UBE2E2: variants seen among roughly 807,000 people sequenced by gnomAD.
UBE2E2 encodes ubiquitin conjugating enzyme E2 E2, also known as ubiquitin-conjugating enzyme E2 E2.
In UBE2E2, 6 loss-of-function variants were observed where a neutral mutation model predicts 24.7. The observed-to-expected ratio is 0.24, with a 90% CI of 0.13 to 0.48. The LOEUF is 0.48. Ranked by LOEUF, UBE2E2 falls within the 20% of genes least tolerant of loss-of-function variation. The pLI, the probability that UBE2E2 is intolerant of heterozygous loss-of-function variation, is 0.99. For missense variants in UBE2E2, 169 were observed against 245.0 expected (o/e 0.69, Z 2.07); for synonymous variants, 104 against 83.6 (o/e 1.24, Z -1.33).
chr3:23,354,255 TAA>T (rs1383276174), intron 3 of UBE2E2, among the ~76,000 whole-genome samples: 1 of 152,068 alleles, frequency 6.6e-6, no homozygotes, highest in Non-Finnish European at 1.5e-5. Flanking sequence ...ATTAAAGACT[TAA>T]ACATTAGACC....
chr3:23,484,459 A>T (rs1180882048), intron 3 of UBE2E2, among the ~76,000 whole-genome samples: 3 of 151,814 alleles, frequency 2.0e-5, no homozygotes, highest in Non-Finnish European at 4.4e-5. Context: ...TTTTTTTTTT[A>T]CAGGGTTCCC....
chr3:23,422,005 A>G (rs911286890), intron 3 of UBE2E2, among the ~76,000 whole-genome samples: 1 of 152,248 alleles, frequency 6.6e-6, no homozygotes, highest in Non-Finnish European at 1.5e-5. Flanking sequence ...TTGGCCAGCA[A>G]CCAGGAAATT....
At chr3:23,350,368 G>A (rs1417507009) in intron 3 of UBE2E2, among the ~76,000 whole-genome samples, 1 of 152,194 alleles carries the variant, frequency 6.6e-6, no homozygotes, top group Non-Finnish European at 1.5e-5. Context: ...CACCAGCAAT[G>A]GAACGAAGCT....
At chr3:23,224,743 A>G (rs1191129599) in intron 3 of UBE2E2, among the ~76,000 whole-genome samples, 5 of 152,116 alleles carry the variant, frequency 3.3e-5, no homozygotes, top group South Asian at 2.1e-4. Flanking sequence ...CTTCTCATCA[A>G]TTGATGGATA....
At chr3:23,426,699 A>G (rs375435690) in intron 3 of UBE2E2, among the ~76,000 whole-genome samples, 1 of 152,298 alleles carries the variant, frequency 6.6e-6, no homozygotes, top group African/African-American at 2.4e-5. Flanking sequence ...AATTGAGAGA[A>G]TTTGTTGCCA....
chr3:23,295,261 C>T (rs1391182678), intron 3 of UBE2E2, among the ~76,000 whole-genome samples: 2 of 152,236 alleles, frequency 1.3e-5, no homozygotes, highest in East Asian at 1.9e-4. Flanking sequence ...CACTTTTCTC[C>T]ACTGCTCTCT....
chr3:23,307,786 T>G (rs1385678961), intron 3 of UBE2E2, among the ~76,000 whole-genome samples: 1 of 152,192 alleles, frequency 6.6e-6, no homozygotes, highest in African/African-American at 2.4e-5. Flanking sequence ...TATGAATTAT[T>G]TAAGAATAAG....
chr3:23,426,417 C>CAA (rs34164749), intron 3 of UBE2E2, among the ~76,000 whole-genome samples: 173 of 120,078 alleles, frequency 1.4e-3, no homozygotes, highest in African/African-American at 4.2e-3. Flanking sequence ...AGGATAAATG[C>CAA]AAAAAAAAAA....
At chr3:23,399,444 A>G (rs1431410751) in intron 3 of UBE2E2, among the ~76,000 whole-genome samples, 2 of 152,136 alleles carry the variant, frequency 1.3e-5, no homozygotes, top group Non-Finnish European at 2.9e-5. Flanking sequence ...TACGTCCTGT[A>G]TGGGCTGGAG....
rs557661684 is a variant in UBE2E2 at position 23,364,398 on chromosome 3, G to T, written c.228-135210G>T. On this transcript the variant is annotated intron_variant, in intron 3 of 5. Transcript: ENST00000396703. ...CACTAGCGAGACTAATAGAGAGAGA[G>T]ACAGAAGATCCAAATAAACAGAATC... Among the ~76,000 whole-genome samples the T allele has an allele frequency of 6.5e-4, 99 of 152,062 alleles. 1 individual carries two copies. The highest frequency in any genetic ancestry group is 2.3e-3 in the African/African-American group (97 of 41,494).
chr3:23,293,799 C>A (rs894275018), intron 3 of UBE2E2, among the ~76,000 whole-genome samples: 5 of 151,946 alleles, frequency 3.3e-5, no homozygotes, highest in Non-Finnish European at 7.4e-5. Context: ...TTTTCTTATT[C>A]TCTGGCATAA....
chr3:23,330,520 A>G lies in UBE2E2; in HGVS notation c.227+113208A>G, dbSNP rs370819551. Among the ~76,000 whole-genome samples the G allele has an allele frequency of 6.8e-4, 103 of 152,350 alleles. 1 individual carries two copies. Among genetic ancestry groups the G allele is most frequent in the Non-Finnish European group, 1.1e-3 (77 of 68,032 alleles). Reference sequence around the variant, plus strand: ...TAGAATCCTGTGGTCCACATTATATATTGAATAGTACACGAATTACAAGGA... The same window carrying G: ...TAGAATCCTGTGGTCCACATTATATGTTGAATAGTACACGAATTACAAGGA... On this transcript the variant is annotated intron_variant, in intron 3 of 5. Coordinates refer to ENST00000396703, the MANE Select transcript of UBE2E2 (RefSeq NM_152653.4).
intron 3 of UBE2E2, among the ~76,000 whole-genome samples, chr3:23,489,532 C>T (rs188839623): frequency 1.2e-4 from 18 of 152,180 alleles, no homozygotes; most frequent in African/African-American, 2.4e-4. Context: ...AATTAGAGCC[C>T]GTAAAGTGAA....
intron 3 of UBE2E2, among the ~76,000 whole-genome samples, chr3:23,292,379 A>G (rs1042089760): frequency 1.3e-5 from 2 of 152,178 alleles, no homozygotes; most frequent in Admixed American, 1.3e-4. Context: ...CTTTCTGCAG[A>G]CATACATGCC....
At chr3:23,563,651 CTTTG>C (rs1246256693) in intron 5 of UBE2E2, among the ~76,000 whole-genome samples, 3 of 152,052 alleles carry the variant, frequency 2.0e-5, no homozygotes, top group Admixed American at 6.6e-5. Context: ...CTTTTAACCT[CTTTG>C]TTTATCTGTA....
At chr3:23,281,057 C>G (rs1698480422) in intron 3 of UBE2E2, among the ~76,000 whole-genome samples, 1 of 152,084 alleles carries the variant, frequency 6.6e-6, no homozygotes, top group African/African-American at 2.4e-5. Context: ...AGCACTAATC[C>G]CATCGTCAGG....
At chr3:23,573,316 A>G (rs1229959201) in intron 5 of UBE2E2, among the ~76,000 whole-genome samples, 1 of 152,204 alleles carries the variant, frequency 6.6e-6, no homozygotes, top group Non-Finnish European at 1.5e-5. Context: ...GAGCCTTTAT[A>G]AACATGCATC....
upstream of UBE2E2, chr3:23,203,204 A>G (rs1267512360): frequency 2.0e-6 from 2 of 986,056 alleles, no homozygotes; most frequent in African/African-American, 1.8e-5. Flanking sequence ...AGCCGCGGGC[A>G]GCAGCCTCAG....
intron 3 of UBE2E2, among the ~76,000 whole-genome samples, chr3:23,390,378 G>C (rs570012660): frequency 3.3e-5 from 5 of 152,306 alleles, no homozygotes; most frequent in African/African-American, 1.2e-4. Flanking sequence ...ACTACAGATA[G>C]ATGTGGCTTA....
Sources: allele counts gnomAD v4.1 joint callset (sites outside exome capture counted in the v4.1 genomes callset), GRCh38; gene constraint gnomAD v4.1.1; transcripts MANE v1.5; gene names NCBI Gene and HGNC (gene_info 2026-07-23, HGNC 2026-07-21).